Variants in EYA2 observed in about 807,000 individuals in gnomAD.
EYA2 encodes protein phosphatase EYA2.
In EYA2, 31 loss-of-function variants were observed where a neutral mutation model predicts 69.2. That is an observed-to-expected ratio of 0.45 (90% confidence interval 0.34 to 0.60). EYA2 has a LOEUF of 0.60. Among genes scored for constraint, EYA2 ranks in the 20% least tolerant of loss-of-function variants. EYA2 has a pLI of 0.02. For synonymous variants in EYA2, 257 were observed against 279.4 expected (o/e 0.92, Z 0.80); for missense variants, 622 against 701.2 (o/e 0.89, Z 1.28).
At chr20:47,083,090 G>A (rs908252198) in intron 7 of EYA2, among the ~76,000 whole-genome samples, 1 of 151,938 alleles carries the variant, frequency 6.6e-6, no homozygotes, top group African/African-American at 2.4e-5. Context: ...GCTCAGGAAG[G>A]TGAGGTGGGA....
chr20:47,084,814 A>G (rs2031840136), intron 7 of EYA2, among the ~76,000 whole-genome samples: 1 of 150,960 alleles, frequency 6.6e-6, no homozygotes, highest in South Asian at 2.1e-4. Flanking sequence ...CACTATGGAA[A>G]ATAATTCATC....
intron 5 of EYA2, among the ~76,000 whole-genome samples, chr20:47,066,198 G>A (rs954105484): frequency 1.3e-5 from 2 of 152,052 alleles, no homozygotes; most frequent in African/African-American, 2.4e-5. Flanking sequence ...CAGATGTGGT[G>A]GCATGCTCCT....
At chr20:47,178,863 C>T (rs1474774583) in intron 12 of EYA2, among the ~76,000 whole-genome samples, 9 of 86,304 alleles carry the variant, frequency 1.0e-4, no homozygotes, top group African/African-American at 5.2e-4. Context: ...TGGGTAGATA[C>T]GTGGGTAGGT....
chr20:46,927,997 A>G (rs1326521321), intron 1 of EYA2, among the ~76,000 whole-genome samples: 20 of 152,184 alleles, frequency 1.3e-4, no homozygotes. Flanking sequence ...CTCATGTAGC[A>G]TTTACTATGC....
intron 9 of EYA2, among the ~76,000 whole-genome samples, chr20:47,102,665 C>A (rs1160839171): frequency 1.3e-5 from 2 of 152,272 alleles, no homozygotes; most frequent in East Asian, 3.9e-4. Context: ...CGTTCTGTTC[C>A]CAATCAAGGG....
At chr20:46,958,410 T>C in intron 1 of EYA2, among the ~76,000 whole-genome samples, 1 of 152,026 alleles carries the variant, frequency 6.6e-6, no homozygotes. Flanking sequence ...CAATAAAGTT[T>C]GGTGATTTTT....
chr20:46,905,652 G>T (rs1395596481), intron 1 of EYA2, among the ~76,000 whole-genome samples: 5 of 152,150 alleles, frequency 3.3e-5, no homozygotes, highest in Admixed American at 3.3e-4. Flanking sequence ...CTATGGTGTG[G>T]GACCATGAGA....
intron 14 of EYA2, 50 bp from the exon 15 acceptor site, chr20:47,183,241 A>C: frequency 6.3e-7 from 1 of 1,577,696 alleles, no homozygotes; most frequent in Non-Finnish European, 8.7e-7. Flanking sequence ...ATTGGCTGCA[A>C]TCCGGGGTCC....
intron 9 of EYA2, 29 bp from the exon 10 acceptor site, chr20:47,143,030 A>G: frequency 6.2e-7 from 1 of 1,602,302 alleles, no homozygotes; most frequent in Non-Finnish European, 8.5e-7. Flanking sequence ...CTCCGCGTGC[A>G]TGTGATTTTC....
chr20:47,131,630 T>C (rs1432330945), intron 9 of EYA2, among the ~76,000 whole-genome samples: 1 of 152,108 alleles, frequency 6.6e-6, no homozygotes, highest in African/African-American at 2.4e-5. Flanking sequence ...GTAGGAGATG[T>C]GAGGCCAGAA....
intron 1 of EYA2, among the ~76,000 whole-genome samples, chr20:46,973,582 T>C (rs1024748838): frequency 1.3e-5 from 2 of 152,206 alleles, no homozygotes; most frequent in Non-Finnish European, 2.9e-5. Flanking sequence ...GACTTCAAGT[T>C]TGAATTTGTT....
At chr20:47,132,786 G>T (rs2033373413) in intron 9 of EYA2, among the ~76,000 whole-genome samples, 1 of 152,208 alleles carries the variant, frequency 6.6e-6, no homozygotes, top group Admixed American at 6.5e-5. Context: ...TAAGGGAGAG[G>T]TTACTCTTTT....
intron 9 of EYA2, among the ~76,000 whole-genome samples, chr20:47,100,186 C>A (rs561097084): frequency 7.9e-5 from 12 of 152,358 alleles, no homozygotes; most frequent in Admixed American, 2.6e-4. Context: ...CAAATTCATA[C>A]TGCAGATATT....
At chr20:47,035,795 A>T (rs1210721628) in intron 5 of EYA2, among the ~76,000 whole-genome samples, 1 of 151,670 alleles carries the variant, frequency 6.6e-6, no homozygotes, top group African/African-American at 2.4e-5. Flanking sequence ...ACTCCTTGAG[A>T]CTAGAAGTTC....
At chr20:47,153,629 G>A (rs748992611) in intron 10 of EYA2, among the ~76,000 whole-genome samples, 15 of 151,864 alleles carry the variant, frequency 9.9e-5, no homozygotes, top group Non-Finnish European at 1.9e-4. Context: ...TTGCACTTCA[G>A]CCTGGGTGAC....
intron 1 of EYA2, among the ~76,000 whole-genome samples, chr20:46,984,881 G>A (rs1981083376): frequency 6.6e-6 from 1 of 152,162 alleles, no homozygotes; most frequent in South Asian, 2.1e-4. Context: ...CACCACCAGG[G>A]CAATGCATAA....
intron 3 of EYA2, among the ~76,000 whole-genome samples, chr20:47,004,045 T>C (rs1982539312): frequency 1.3e-5 from 2 of 152,218 alleles, no homozygotes; most frequent in South Asian, 2.1e-4. Context: ...AGTATAAATA[T>C]CTTAAGTAAG....
At chr20:46,895,754 TC>T (rs931645981) in intron 1 of EYA2, among the ~76,000 whole-genome samples, 17 of 151,904 alleles carry the variant, frequency 1.1e-4, no homozygotes, top group Admixed American at 7.2e-4. Flanking sequence ...CCTGCCTGCC[TC>T]CCCCCCAGCA....
chr20:47,042,006 A>C lies in EYA2; in HGVS notation c.415+25709A>C, dbSNP rs1406237238. On this transcript the variant is annotated intron_variant, in intron 5 of 15. Transcript: ENST00000327619. The stretch of plus-strand genomic sequence containing the variant: ...AATTATAAAATAAATATAAAATAAA[A>C]TTGGTAAGAATATATTCACTAAAAG... Among the ~76,000 whole-genome samples the C allele has an allele frequency of 4.6e-5, 7 of 152,282 alleles. No individual in the cohort carries two copies. The East Asian group carries it at 1.2e-3, about 25-fold the overall frequency.
Sources: allele counts gnomAD v4.1 joint callset (sites outside exome capture counted in the v4.1 genomes callset), GRCh38; gene constraint gnomAD v4.1.1; transcripts MANE v1.5; gene names NCBI Gene and HGNC (gene_info 2026-07-23, HGNC 2026-07-21).